The following CELF2 variants were observed in gnomAD, a reference collection of about 807,000 sequenced individuals.
CELF2 encodes the protein CUG triplet repeat RNA-binding protein 2.
Under a neutral mutation model 62.6 loss-of-function variants are expected in CELF2, and 8 were observed. The observed-to-expected ratio is 0.13, with a 90% CI of 0.07 to 0.23. The LOEUF is 0.23. CELF2 is among the 10% of genes least tolerant of loss of function. The pLI is 1.00. For synonymous variants in CELF2, 258 were observed against 250.0 expected (o/e 1.03, Z -0.30); for missense variants, 333 against 671.0 (o/e 0.50, Z 5.56).
At chr10:11,043,451 C>A (rs1248346519) in intron 1 of CELF2, among the ~76,000 whole-genome samples, 1 of 152,102 alleles carries the variant, frequency 6.6e-6, no homozygotes. Context: ...TGATGCAGTC[C>A]AGTTGTGTGT....
chr10:11,185,743 G>C (rs1252410376), intron 2 of CELF2, among the ~76,000 whole-genome samples: 2 of 152,126 alleles, frequency 1.3e-5, no homozygotes, highest in African/African-American at 4.8e-5. Context: ...GATTCCATTT[G>C]CTCAAATTTT....
the CELF2 span, among the ~76,000 whole-genome samples, chr10:10,575,587 G>A: frequency 3.3e-5 from 5 of 152,154 alleles, no homozygotes; most frequent in African/African-American, 1.2e-4. Context: ...CTCTCACCAT[G>A]TGGTTTCTCT....
the CELF2 span, among the ~76,000 whole-genome samples, chr10:10,599,641 C>A: frequency 6.6e-6 from 1 of 151,820 alleles, no homozygotes; most frequent in African/African-American, 2.4e-5. Flanking sequence ...TATCACTGTG[C>A]GCTTTGCTGC....
At chr10:11,229,226 C>T (rs774048302) in intron 3 of CELF2, among the ~76,000 whole-genome samples, 1 of 152,196 alleles carries the variant, frequency 6.6e-6, no homozygotes, top group Admixed American at 6.5e-5. Flanking sequence ...AGCATGTCAC[C>T]TTAAAGAATC....
At chr10:11,284,922 G>C (rs2090670920) in intron 8 of CELF2, among the ~76,000 whole-genome samples, 1 of 150,170 alleles carries the variant, frequency 6.7e-6, no homozygotes, top group Non-Finnish European at 1.5e-5. Flanking sequence ...ATGGTGGTTA[G>C]ATGATGGATA....
chr10:10,607,494 G>A, the CELF2 span, among the ~76,000 whole-genome samples: 2 of 152,048 alleles, frequency 1.3e-5, no homozygotes, highest in Non-Finnish European at 2.9e-5. Context: ...AAAGCAGCAG[G>A]TGTTTTTCAT....
chr10:11,202,919 C>CTG, intron 2 of CELF2, among the ~76,000 whole-genome samples: 1 of 77,104 alleles, frequency 1.3e-5, no homozygotes, highest in Non-Finnish European at 2.9e-5. Flanking sequence ...CTCTCTCTCT[C>CTG]TCTCTCTCTC....
chr10:11,198,876 C>T (rs1163122761), intron 2 of CELF2, among the ~76,000 whole-genome samples: 5 of 152,220 alleles, frequency 3.3e-5, no homozygotes, highest in African/African-American at 1.2e-4. Context: ...AAACCCAAGA[C>T]TCAACATCTT....
chr10:11,139,871 C>G (rs1415021448), intron 1 of CELF2, among the ~76,000 whole-genome samples: 1 of 151,886 alleles, frequency 6.6e-6, no homozygotes, highest in Non-Finnish European at 1.5e-5. Context: ...CAAACACCCC[C>G]TCAGGTCATC....
intron 9 of CELF2, among the ~76,000 whole-genome samples, chr10:11,289,415 G>A (rs954207728): frequency 5.3e-5 from 8 of 152,150 alleles, no homozygotes; most frequent in African/African-American, 1.7e-4. Context: ...AACACACATC[G>A]AAAACTACAG....
chr10:10,540,767 T>C, the CELF2 span, among the ~76,000 whole-genome samples: 1 of 152,206 alleles, frequency 6.6e-6, no homozygotes, highest in Non-Finnish European at 1.5e-5. Flanking sequence ...CCGTGTCCAC[T>C]GTGAACATTC....
intron 1 of CELF2, among the ~76,000 whole-genome samples, chr10:10,906,171 T>A (rs1347249041): frequency 1.4e-5 from 1 of 72,246 alleles, no homozygotes; most frequent in Non-Finnish European, 2.5e-5. Context: ...GCTGTCTAAC[T>A]ATTTATTTCC....
At chr10:11,142,275 A>T (rs913650469) in intron 1 of CELF2, among the ~76,000 whole-genome samples, 1 of 152,236 alleles carries the variant, frequency 6.6e-6, no homozygotes, top group Non-Finnish European at 1.5e-5. Context: ...CCAGAGGCAG[A>T]CAACAGGGTG....
intron 1 of CELF2, among the ~76,000 whole-genome samples, chr10:10,837,460 T>G (rs572215724): frequency 1.6e-4 from 24 of 152,344 alleles, no homozygotes; most frequent in African/African-American, 5.8e-4. Context: ...GAAAACAGAC[T>G]AATACAACTG....
At chr10:10,866,464 G>T (rs555216724) in intron 1 of CELF2, among the ~76,000 whole-genome samples, 1 of 151,956 alleles carries the variant, frequency 6.6e-6, no homozygotes, top group East Asian at 1.9e-4. Flanking sequence ...AATTAGCCAG[G>T]CATGGTGACA....
intron 1 of CELF2, among the ~76,000 whole-genome samples, chr10:11,055,749 G>C (rs1430534798): frequency 6.6e-6 from 1 of 152,210 alleles, no homozygotes; most frequent in Non-Finnish European, 1.5e-5. Flanking sequence ...CCCAGTGCAA[G>C]TGCTGTGGCC....
chr10:11,064,257 T>C (rs2067508408), intron 1 of CELF2, among the ~76,000 whole-genome samples: 1 of 152,236 alleles, frequency 6.6e-6, no homozygotes, highest in African/African-American at 2.4e-5. Context: ...CTTGATGCTT[T>C]TTCTGATTTG....
At chr10:10,553,220 G>A in the CELF2 span, among the ~76,000 whole-genome samples, 4 of 152,052 alleles carry the variant, frequency 2.6e-5, no homozygotes, top group Non-Finnish European at 5.9e-5. Context: ...TTTATAAAAC[G>A]GTCAGATCTC....
At chr10:10,900,228 A>G (rs945844332) in intron 1 of CELF2, among the ~76,000 whole-genome samples, 1 of 152,234 alleles carries the variant, frequency 6.6e-6, no homozygotes, top group Non-Finnish European at 1.5e-5. Flanking sequence ...AATTCATTCT[A>G]TGAGACAAGC....
Sources: allele counts gnomAD v4.1 joint callset (sites outside exome capture counted in the v4.1 genomes callset), GRCh38; gene constraint gnomAD v4.1.1; transcripts MANE v1.5; gene names NCBI Gene and HGNC (gene_info 2026-07-23, HGNC 2026-07-21).